Variants in NF2 observed in about 807,000 individuals in gnomAD.
NF2 encodes the protein merlin.
NF2 carries 8 observed loss-of-function variants against 83.7 expected under a neutral mutation model. The observed-to-expected ratio is 0.10, with a 90% CI of 0.06 to 0.17. The LOEUF (loss-of-function observed/expected upper bound fraction) is 0.17, where lower values mean the gene tolerates loss of function less well. Ranked by LOEUF, NF2 falls within the 10% of genes least tolerant of loss-of-function variation. The pLI is 1.00. For synonymous variants in NF2, 266 were observed against 269.6 expected (o/e 0.99, Z 0.13); for missense variants, 533 against 744.4 (o/e 0.72, Z 3.31).
chr22:29,678,138 T>TGTCCTTC, intron 13 of NF2, 58 bp from the exon 14 acceptor site: 1 of 1,606,686 alleles, frequency 6.2e-7, no homozygotes, highest in Admixed American at 1.7e-5. Flanking sequence ...GTCAACACAG[T>TGTCCTTC]AGTGTCCTTC....
At chr22:29,633,555 G>A in intron 1 of NF2, among the ~76,000 whole-genome samples, 1 of 152,064 alleles carries the variant, frequency 6.6e-6, no homozygotes, top group African/African-American at 2.4e-5. Context: ...CCACCCTGTT[G>A]TCAGAGCCCA....
chr22:29,667,749 T>C (rs2066667333), intron 9 of NF2, among the ~76,000 whole-genome samples: 1 of 152,198 alleles, frequency 6.6e-6, no homozygotes, highest in African/African-American at 2.4e-5. Flanking sequence ...GTCTTGACAA[T>C]AAGAATTTTT....
In NF2 at chr22:29,649,439, G is replaced by A. The variant is rs561468637; in HGVS notation, c.448-5218G>A. ...TACTTGGCCGGGTGCGGTGGCTCAC[G>A]CCTGTAATCCCAACTCTCAGGGAGG... On this transcript the variant is annotated intron_variant, in intron 4 of 15. Transcript: ENST00000338641. Among the ~76,000 whole-genome samples, 6 of 152,286 alleles carry A rather than the reference G, an allele frequency of 3.9e-5. No homozygotes were observed. The South Asian group carries it at 8.3e-4, about 21-fold the overall frequency.
intron 13 of NF2, among the ~76,000 whole-genome samples, chr22:29,677,455 G>T (rs1391140990): frequency 6.6e-6 from 1 of 151,316 alleles, no homozygotes; most frequent in East Asian, 2.0e-4. Context: ...CGGGAAGCTA[G>T]ATTGGGGTCC....
At chr22:29,657,333 A>G (rs2146984697) in intron 6 of NF2, among the ~76,000 whole-genome samples, 1 of 152,318 alleles carries the variant, frequency 6.6e-6, no homozygotes, top group South Asian at 2.1e-4. Flanking sequence ...CTTCCACTGT[A>G]TTAGTATATT....
At chr22:29,684,801 A>C (rs1032788713) in intron 15 of NF2, among the ~76,000 whole-genome samples, 2 of 152,012 alleles carry the variant, frequency 1.3e-5, no homozygotes, top group Non-Finnish European at 2.9e-5. Flanking sequence ...TGCACTATTA[A>C]ATTTTGCTGC....
At chr22:29,615,771 C>G (rs1244516410) in intron 1 of NF2, among the ~76,000 whole-genome samples, 1 of 152,134 alleles carries the variant, frequency 6.6e-6, no homozygotes, top group East Asian at 1.9e-4. Context: ...GGCAGTTCCT[C>G]AAACAGTTAA....
chr22:29,630,671 C>T (rs2065484590), intron 1 of NF2, among the ~76,000 whole-genome samples: 1 of 152,206 alleles, frequency 6.6e-6, no homozygotes, highest in Non-Finnish European at 1.5e-5. Flanking sequence ...CTTTCTCACG[C>T]CCTCCACCTC....
chr22:29,610,758 A>G (rs9625841), intron 1 of NF2, among the ~76,000 whole-genome samples: 52,719 of 152,008 alleles, frequency 0.35, 9,262 homozygotes, highest in South Asian at 0.5. Context: ...AAATTAATAC[A>G]GTTCTTCACA....
At chr22:29,690,750 G>A (rs958185345) in intron 15 of NF2, among the ~76,000 whole-genome samples, 5 of 152,218 alleles carry the variant, frequency 3.3e-5, no homozygotes, top group East Asian at 1.9e-4. Flanking sequence ...AGAGACAGCT[G>A]GAGGAGAGCA....
At chr22:29,685,816 G>T (rs2067255953) in intron 15 of NF2, among the ~76,000 whole-genome samples, 1 of 152,210 alleles carries the variant, frequency 6.6e-6, no homozygotes, top group South Asian at 2.1e-4. Flanking sequence ...CATTGAAGCT[G>T]ATTCAAGGAG....
intron 15 of NF2, among the ~76,000 whole-genome samples, chr22:29,692,011 G>A (rs566499373): frequency 3.3e-4 from 51 of 152,322 alleles, no homozygotes; most frequent in Admixed American, 2.8e-3. Flanking sequence ...TCTGACTCCG[G>A]GGCTCCTGTG....
At chr22:29,625,661 C>T (rs1274349154) in intron 1 of NF2, among the ~76,000 whole-genome samples, 1 of 152,212 alleles carries the variant, frequency 6.6e-6, no homozygotes, top group Non-Finnish European at 1.5e-5. Context: ...AAATTTATTA[C>T]CAAAGTAGTG....
At chr22:29,605,820 C>G (rs2064778900) in intron 1 of NF2, among the ~76,000 whole-genome samples, 1 of 152,184 alleles carries the variant, frequency 6.6e-6, no homozygotes, top group Admixed American at 6.5e-5. Flanking sequence ...AACTGTAATA[C>G]CGGGCACTGC....
At position 29,681,542 on chromosome 22, in the gene NF2, A is replaced by G. The variant is rs557347747; in HGVS notation, c.1678A>G (p.Ile560Val). ...GAAAGAGAGGGAGACAGCTCTGGAT[A>G]TTCTGCACAATGAGAACTCCGACAG... ...KLKERETALDILHNENSDRGG... is the reference protein window; with the variant it reads ...KLKERETALDVLHNENSDRGG... Residue 560 changes from isoleucine to valine, a missense_variant, in exon 15 of 16, where the codon ATT becomes GTT. Transcript: ENST00000338641. The G allele has an allele frequency of 2.5e-6, 4 of 1,614,126 alleles. No individual in the cohort carries two copies. Among genetic ancestry groups the G allele is most frequent in the Non-Finnish European group, 3.4e-6 (4 of 1,180,054 alleles).
At chr22:29,674,180 G>A (rs1227785760) in intron 12 of NF2, among the ~76,000 whole-genome samples, 3 of 152,222 alleles carry the variant, frequency 2.0e-5, no homozygotes, top group Admixed American at 6.5e-5. Context: ...TTTGCATGTC[G>A]TTCTGGGAAT....
At chr22:29,685,955 CT>C (rs35000328) in intron 15 of NF2, among the ~76,000 whole-genome samples, 18,596 of 146,836 alleles carry the variant, frequency 0.13, 1,286 homozygotes, top group East Asian at 0.37. Context: ...CTCGCTCTCT[CT>C]TTTTTTTTTT....
chr22:29,607,829 A>G (rs2064837954), intron 1 of NF2, among the ~76,000 whole-genome samples: 2 of 152,166 alleles, frequency 1.3e-5, no homozygotes, highest in African/African-American at 4.8e-5. Context: ...GAATATCCAT[A>G]AAGATATAGA....
intron 1 of NF2, among the ~76,000 whole-genome samples, chr22:29,633,813 G>GCCT (rs2065577905): frequency 6.6e-6 from 1 of 152,182 alleles, no homozygotes; most frequent in African/African-American, 2.4e-5. Flanking sequence ...CTCTGACCTA[G>GCCT]GTCTTGCCTG....
Sources: allele counts gnomAD v4.1 joint callset (sites outside exome capture counted in the v4.1 genomes callset), GRCh38; gene constraint gnomAD v4.1.1; transcripts MANE v1.5; gene names NCBI Gene and HGNC (gene_info 2026-07-23, HGNC 2026-07-21).